Variants in SEMA7A observed in about 807,000 individuals in gnomAD.
SEMA7A encodes the protein semaphorin-7A.
A neutral mutation model predicts 67.5 loss-of-function variants in SEMA7A; 21 were observed. The observed-to-expected ratio is 0.31, with a 90% CI of 0.22 to 0.45. The LOEUF (loss-of-function observed/expected upper bound fraction) is 0.45, where lower values mean the gene tolerates loss of function less well. SEMA7A is among the 20% of genes least tolerant of loss of function. SEMA7A has a pLI of 1.00. For synonymous variants in SEMA7A, 364 were observed against 368.5 expected (o/e 0.99, Z 0.14); for missense variants, 774 against 908.6 (o/e 0.85, Z 1.90).
chr15:74,411,941 T>A lies in SEMA7A; in HGVS notation c.1366A>T (p.Ile456Phe). ...EHSFAFNIMEIQPFRRAAAIQ... is the reference protein window; with the variant it reads ...EHSFAFNIMEFQPFRRAAAIQ... ...GCAGCCGCGCGGCGGAAGGGCTGGA[T>A]CTCCATGATGTTGAAGGCGAAGCTG... Residue 456 changes from isoleucine to phenylalanine, a missense_variant, in exon 11 of 14, where the codon ATC (isoleucine) becomes TTC (phenylalanine). Physicochemically the swap from Ile to Phe is conservative, Grantham distance 21 (BLOSUM62 0). Transcript: ENST00000261918. The surrounding 1 kb of genome is among the most constrained non-coding windows in gnomAD (Gnocchi z 4.4). The A allele has an allele frequency of 6.2e-7, 1 of 1,613,934 alleles. No homozygotes were observed. Among genetic ancestry groups the A allele is most frequent in the Non-Finnish European group, 8.5e-7 (1 of 1,180,008 alleles).
Position 74,415,974 on chromosome 15 carries a change from A to T in SEMA7A, c.813T>A (p.Gly271=). The stretch of plus-strand genomic sequence containing the variant: ...TGGAGACTGACAGTGAACTTTCCCC[A>T]CCCTGGTCCCCCTGGAAGGGTAGAG... ...RVAQLCRGDQ[G]GESSLSVSKW... Residue 271 remains glycine (G), a synonymous_variant, in exon 8 of 14, where the codon GGT becomes GGA. Coordinates refer to ENST00000261918, the MANE Select transcript of SEMA7A (RefSeq NM_003612.5). 1 of 1,613,600 alleles carries T rather than the reference A, an allele frequency of 6.2e-7. No individual in the cohort carries two copies. Among genetic ancestry groups the T allele is most frequent in the Non-Finnish European group, 8.5e-7 (1 of 1,179,820 alleles).
rs747166591 is a variant in SEMA7A, at chr15:74,411,323, T to C, written c.1611A>G (p.Pro537=). Residue 537 remains proline (P), a synonymous_variant, in exon 13 of 14, where the codon CCA becomes CCG. Transcript: ENST00000261918. The surrounding 1 kb of genome is among the most constrained non-coding windows in gnomAD (Gnocchi z 4.4). ...SVLQSINPAE[P]HKECPNPKPD... is the part of the protein sequence containing the mutation. ...GTTTGGGGTTGGGACACTCCTTGTG[T>C]GGCTCGGCTGGATTAATGGATTGCA... The C allele has an allele frequency of 1.2e-6, 2 of 1,614,036 alleles. No individual in the cohort carries two copies. Among genetic ancestry groups the C allele is most frequent in the East Asian group, 4.5e-5 (2 of 44,874 alleles).
Position 74,411,710 on chromosome 15 carries a change from T to G in SEMA7A, c.1423A>C (p.Arg475=). The change falls in exon 12 of 14, where the codon AGG becomes CGG. Residue 475 remains arginine (R), a splice_region_variant and synonymous_variant. Transcript: ENST00000261918. The surrounding 1 kb of genome is among the most constrained non-coding windows in gnomAD (Gnocchi z 4.4). Reference sequence around the variant, plus strand: ...CACTGGGAGCTCACATACAGCTTCCTCTGGAAGGACAGCAGGATTGGGTCA... The same window carrying G: ...CACTGGGAGCTCACATACAGCTTCCGCTGGAAGGACAGCAGGATTGGGTCA... ...IQTMSLDAER[R]KLYVSSQWEV... 6.2e-7 allele frequency: 1 copy of G among 1,612,908 alleles called. No individual in the cohort carries two copies. The highest frequency in any genetic ancestry group is 8.5e-7 in the Non-Finnish European group (1 of 1,179,940).
At chr15:74,430,507 G>T (rs905939091) in intron 1 of SEMA7A, among the ~76,000 whole-genome samples, 1 of 152,140 alleles carries the variant, frequency 6.6e-6, no homozygotes, top group Non-Finnish European at 1.5e-5. Context: ...CCAGGCTCCC[G>T]ACCTCCCAGC....
In SEMA7A at chr15:74,414,802, G is replaced by A; in HGVS notation, c.1095+36C>T. The A allele has an allele frequency of 6.2e-7, 1 of 1,613,952 alleles. No homozygotes were observed. Among genetic ancestry groups the A allele is most frequent in the African/African-American group, 1.3e-5 (1 of 75,060 alleles). Reference sequence around the variant, plus strand: ...GGTGGTGGGAGGTGAGGCAGAAGGAGGGCTGGGCCTGGGCCACGGCTGGTG... The same window carrying A: ...GGTGGTGGGAGGTGAGGCAGAAGGAAGGCTGGGCCTGGGCCACGGCTGGTG... On this transcript the variant is annotated intron_variant, in intron 9 of 13. Transcript: ENST00000261918. This position sits in a 1 kb window ranked among gnomAD's most constrained non-coding sequence, Gnocchi z 4.1.
Position 74,416,668 on chromosome 15 carries a change from G to A in SEMA7A, c.708C>T (p.Tyr236=), listed in dbSNP as rs144656616. 2.5e-5 allele frequency: 41 copies of A among 1,613,974 alleles called. No homozygotes were observed. In the East Asian group the frequency reaches 4.0e-4, roughly 16 times the overall value. ...KATIVHQDQA[Y]DDKIYYFFRE... Reference sequence around the variant, plus strand: ...GGAAGAAGTAGTAGATCTTGTCATCGTAAGCCTGGTCTTGGTGCACGATGG... The same window carrying A: ...GGAAGAAGTAGTAGATCTTGTCATCATAAGCCTGGTCTTGGTGCACGATGG... Residue 236 remains tyrosine, a synonymous_variant, in exon 7 of 14, where the codon TAC becomes TAT. Transcript: ENST00000261918.
At chr15:74,420,799 C>T (rs1049917273) in intron 1 of SEMA7A, among the ~76,000 whole-genome samples, 1 of 152,202 alleles carries the variant, frequency 6.6e-6, no homozygotes, top group Non-Finnish European at 1.5e-5. Flanking sequence ...GTCTGCCGCC[C>T]CAACTCCCCT....
At chr15:74,432,684 GGCTCCCGGT>G (rs1319924270) in intron 1 of SEMA7A, among the ~76,000 whole-genome samples, 2 of 152,102 alleles carry the variant, frequency 1.3e-5, no homozygotes, top group African/African-American at 4.8e-5. Context: ...GGCATCAAAA[GGCTCCCGGT>G]GGGGCCAGAC....
At position 74,410,644 on chromosome 15, in the gene SEMA7A, G is replaced by A. The variant is rs553020344; in HGVS notation, c.1981C>T (p.Leu661Phe). ...LWLGVLPTLT[L>F]GLLVH Reference sequence around the variant, plus strand: ...AGGCCCTAGTGGACCAGCAAGCCAAGAGTGAGTGTGGGCAGCACCCCCAGC... The same window carrying A: ...AGGCCCTAGTGGACCAGCAAGCCAAAAGTGAGTGTGGGCAGCACCCCCAGC... The change falls in exon 14 of 14, where the codon CTT becomes TTT. Residue 661 changes from leucine (L) to phenylalanine (F), a missense_variant. This residue lies in a region of SEMA7A where 427 missense variants were observed against 555.4 expected (regional missense o/e 0.77). Coordinates refer to ENST00000261918, the MANE Select transcript of SEMA7A (RefSeq NM_003612.5). This position sits in a 1 kb window ranked among gnomAD's most constrained non-coding sequence, Gnocchi z 7.5. The A allele has an allele frequency of 8.8e-6, 14 of 1,597,400 alleles. No homozygotes were observed. In the African/African-American group the frequency reaches 1.6e-4, roughly 18 times the overall value.
chr15:74,433,060 T>G (rs1219758159), intron 1 of SEMA7A, among the ~76,000 whole-genome samples: 11 of 152,206 alleles, frequency 7.2e-5, no homozygotes, highest in Admixed American at 6.5e-4. Flanking sequence ...CTGGAGCCGA[T>G]TTCTGGTGAC....
intron 1 of SEMA7A, among the ~76,000 whole-genome samples, chr15:74,426,202 G>A (rs1002079419): frequency 2.0e-5 from 3 of 152,168 alleles, no homozygotes; most frequent in African/African-American, 7.2e-5. Context: ...TTGAACCCAG[G>A]AGGCAGAGGT....
intron 1 of SEMA7A, among the ~76,000 whole-genome samples, chr15:74,430,024 T>C (rs779971895): frequency 2.6e-5 from 4 of 151,658 alleles, no homozygotes; most frequent in Non-Finnish European, 5.9e-5. Flanking sequence ...TGCAGGTTTA[T>C]CTGCCCATCT....
intron 1 of SEMA7A, chr15:74,433,492 T>G: frequency 4.5e-6 from 5 of 1,108,710 alleles, no homozygotes; most frequent in Non-Finnish European, 4.5e-6. Flanking sequence ...TGCCAGGGAC[T>G]TGGTGCGACT....
chr15:74,411,267 C>T lies in SEMA7A; in HGVS notation c.1639+28G>A. On this transcript the variant is annotated intron_variant, in intron 13 of 13. Coordinates refer to ENST00000261918, the MANE Select transcript of SEMA7A (RefSeq NM_003612.5). This position sits in a 1 kb window ranked among gnomAD's most constrained non-coding sequence, Gnocchi z 4.4. ...GGGCAGTACCCCACTCATTGGGCCACAGCCGCCAGCAGGGCCAGATCAGGT... is the reference window on the plus strand; with the variant it reads ...GGGCAGTACCCCACTCATTGGGCCATAGCCGCCAGCAGGGCCAGATCAGGT... 1 of 1,609,790 alleles carries T rather than the reference C, an allele frequency of 6.2e-7. No homozygotes were observed. The highest frequency in any genetic ancestry group is 1.3e-5 in the African/African-American group (1 of 74,994).
At position 74,410,824 on chromosome 15, in the gene SEMA7A, C is replaced by T; in HGVS notation, c.1801G>A (p.Glu601Lys). Residue 601 changes from glutamate (E) to lysine (K), a missense_variant, in exon 14 of 14, where the codon GAG (glutamate) becomes AAG (lysine). Coordinates refer to ENST00000261918, the MANE Select transcript of SEMA7A (RefSeq NM_003612.5). The surrounding 1 kb of genome is among the most constrained non-coding windows in gnomAD (Gnocchi z 7.5). ...CCGTACTGCTGCGCCGTGAGGTTCT[C>T]GATGAACAGGATGCAGTTGGGGCTC... is the stretch of plus-strand genomic sequence containing the variant. ...HQSPNCILFI[E>K]NLTAQQYGHY... 2 of 1,614,224 alleles carry T rather than the reference C, an allele frequency of 1.2e-6. No homozygotes were observed. The highest frequency in any genetic ancestry group is 1.7e-6 in the Non-Finnish European group (2 of 1,180,038).
In SEMA7A at chr15:74,411,516, C is replaced by T. The variant is rs763993348; in HGVS notation, c.1577+40G>A. On this transcript the variant is annotated intron_variant, in intron 12 of 13. Coordinates refer to ENST00000261918, the MANE Select transcript of SEMA7A (RefSeq NM_003612.5). The surrounding 1 kb of genome is among the most constrained non-coding windows in gnomAD (Gnocchi z 4.4). ...CGACAACACCTCCCCCTCTCCCATG[C>T]CCACCTTCTCCCAGGGACGAGGGAT... The T allele has an allele frequency of 2.6e-6, 4 of 1,543,486 alleles. No homozygotes were observed. The highest frequency in any genetic ancestry group is 2.3e-5 in the East Asian group (1 of 44,292).
chr15:74,410,675 G>A lies in SEMA7A; in HGVS notation c.1950C>T (p.Ser650=). Residue 650 remains serine, a synonymous_variant, in exon 14 of 14, where the codon TCC becomes TCT. Coordinates refer to ENST00000261918, the MANE Select transcript of SEMA7A (RefSeq NM_003612.5). This position sits in a 1 kb window ranked among gnomAD's most constrained non-coding sequence, Gnocchi z 7.5. ...LLGHACALAA[S]LWLGVLPTLT... is the part of the protein sequence containing the mutation. ...GTGTGGGCAGCACCCCCAGCCAGAG[G>A]GAGGCGGCCAGGGCACAGGCATGAC... The A allele has an allele frequency of 1.2e-6, 2 of 1,609,262 alleles. No homozygotes were observed. Among genetic ancestry groups the A allele is most frequent in the South Asian group, 1.1e-5 (1 of 90,848 alleles).
chr15:74,425,493 A>T (rs2061037023), intron 1 of SEMA7A, among the ~76,000 whole-genome samples: 2 of 152,308 alleles, frequency 1.3e-5, no homozygotes, highest in South Asian at 4.1e-4. Flanking sequence ...TTCCAAGGTC[A>T]GCCCTTCCCA....
intron 10 of SEMA7A, 66 bp from the exon 11 acceptor site, chr15:74,412,078 A>T (rs1327266713): frequency 1.6e-5 from 24 of 1,532,420 alleles, no homozygotes; most frequent in Middle Eastern, 1.7e-4. Context: ...GCTTTCCTCT[A>T]GGCCGGGGAG....
Sources: allele counts gnomAD v4.1 joint callset (sites outside exome capture counted in the v4.1 genomes callset), GRCh38; gene constraint gnomAD v4.1.1; regional missense constraint gnomAD v4.1.1; non-coding constraint Gnocchi (gnomAD v3.1); transcripts MANE v1.5; gene names NCBI Gene and HGNC (gene_info 2026-07-23, HGNC 2026-07-21).